The following WWTR1 variants were observed in gnomAD, a reference collection of about 807,000 sequenced individuals.
The protein encoded by WWTR1 is WW domain-containing transcription regulator protein 1.
A neutral mutation model predicts 40.1 loss-of-function variants in WWTR1; 13 were observed. That is an observed-to-expected ratio of 0.32 (90% CI 0.21 to 0.52). WWTR1 has a LOEUF of 0.52. Among genes scored for constraint, WWTR1 ranks in the 20% least tolerant of loss-of-function variants. WWTR1 has a pLI of 0.97. For missense variants in WWTR1, 436 were observed against 523.1 expected, an observed-to-expected ratio of 0.83 and a Z score of 1.63; for synonymous variants, 230 against 210.1, an observed-to-expected ratio of 1.09 and a Z score of -0.82.
At chr3:149,553,741 T>C (rs1017748971) in intron 3 of WWTR1, among the ~76,000 whole-genome samples, 1 of 152,202 alleles carries the variant, frequency 6.6e-6, no homozygotes, top group East Asian at 1.9e-4. Flanking sequence ...CTTTGAAAAA[T>C]ATTTCAGCAT....
At chr3:149,635,632 GAGGAAGA>G (rs1170169128) in intron 2 of WWTR1, among the ~76,000 whole-genome samples, 3 of 151,344 alleles carry the variant, frequency 2.0e-5, no homozygotes, top group Admixed American at 6.6e-5. Flanking sequence ...AAGGAGAAAG[GAGGAAGA>G]AGGAAGAAGG....
chr3:149,640,205 A>G (rs1712085265), intron 2 of WWTR1, among the ~76,000 whole-genome samples: 3 of 152,236 alleles, frequency 2.0e-5, no homozygotes, highest in South Asian at 4.1e-4. Context: ...ATGCCTCTCT[A>G]CCAGTGTCAA....
At chr3:149,565,853 G>A (rs1576564742) in intron 3 of WWTR1, among the ~76,000 whole-genome samples, 1 of 151,668 alleles carries the variant, frequency 6.6e-6, no homozygotes, top group Non-Finnish European at 1.5e-5. Context: ...GGAGGTTGTG[G>A]GGAGGTGGAG....
upstream of WWTR1, chr3:149,658,673 G>T (rs1713417480): frequency 6.6e-6 from 1 of 152,340 alleles, no homozygotes; most frequent in Non-Finnish European, 1.5e-5. Context: ...TGCCCAGAAA[G>T]TGCCTCTGTC....
At chr3:149,685,176 A>G (rs1362876412) in intron 1 of WWTR1, among the ~76,000 whole-genome samples, 1 of 152,190 alleles carries the variant, frequency 6.6e-6, no homozygotes. Context: ...CTGTTCAACC[A>G]GAACTCTCAG....
chr3:149,645,231 C>T (rs1343979223), intron 2 of WWTR1, among the ~76,000 whole-genome samples: 1 of 152,288 alleles, frequency 6.6e-6, no homozygotes, highest in African/African-American at 2.4e-5. Context: ...AGGTGCCCGC[C>T]ACCACGCCTG....
intron 1 of WWTR1, among the ~76,000 whole-genome samples, chr3:149,676,772 G>C (rs1223353273): frequency 6.6e-6 from 1 of 152,114 alleles, no homozygotes; most frequent in African/African-American, 2.4e-5. Context: ...AGGGAGAGCA[G>C]GGAAAGCAAT....
At chr3:149,561,664 T>C (rs1737082164) in intron 3 of WWTR1, among the ~76,000 whole-genome samples, 1 of 152,196 alleles carries the variant, frequency 6.6e-6, no homozygotes, top group South Asian at 2.1e-4. Context: ...ACAGGACTGG[T>C]TAAACCAAGT....
At position 149,653,102 on chromosome 3, in the gene WWTR1, T is replaced by C. The variant is rs571517494; in HGVS notation, c.431+3774A>G. On this transcript the variant is annotated intron_variant, in intron 2 of 6. Transcript: ENST00000360632. ...GTCTGAATTGTATTTAAGAGGAGGATAAAATCTTTTTTCTTATAAAATCAC... is the reference window on the plus strand; with the variant it reads ...GTCTGAATTGTATTTAAGAGGAGGACAAAATCTTTTTTCTTATAAAATCAC... Among the ~76,000 whole-genome samples, 6 of 152,356 alleles carry C rather than the reference T, an allele frequency of 3.9e-5. No individual in the cohort carries two copies. In the East Asian group the frequency reaches 1.2e-3, roughly 29 times the overall value.
At chr3:149,674,493 A>G (rs2108195950) in intron 1 of WWTR1, among the ~76,000 whole-genome samples, 1 of 152,168 alleles carries the variant, frequency 6.6e-6, no homozygotes, top group East Asian at 1.9e-4. Context: ...AAGCTGGGGA[A>G]GAAGAATCAC....
intron 4 of WWTR1, among the ~76,000 whole-genome samples, chr3:149,718,553 T>G (rs1715668047): frequency 6.6e-6 from 1 of 152,228 alleles, no homozygotes; most frequent in Admixed American, 6.5e-5. Context: ...CATATGGTTG[T>G]GCAAACATCA....
At chr3:149,546,642 C>T (rs980164773) in intron 3 of WWTR1, among the ~76,000 whole-genome samples, 1 of 152,122 alleles carries the variant, frequency 6.6e-6, no homozygotes, top group Non-Finnish European at 1.5e-5. Context: ...AGTTTTCCCA[C>T]ATGAATTTAT....
chr3:149,667,111 A>T (rs559832322), intron 2 of WWTR1, among the ~76,000 whole-genome samples: 32 of 152,364 alleles, frequency 2.1e-4, no homozygotes, highest in South Asian at 8.3e-4. Context: ...TGTGTGTATT[A>T]AAGAATCCTT....
At position 149,546,019 on chromosome 3, in the gene WWTR1, T is replaced by C. The variant is rs557498344; in HGVS notation, c.569-3482A>G. 2.4e-4 allele frequency among the ~76,000 whole-genome samples: 37 copies of C among 152,312 alleles called. No homozygotes were observed. In the South Asian group the frequency reaches 5.4e-3, roughly 22 times the overall value. ...AAGCCACATAGCAACCAGATATTGC[T>C]CAGCAGATTTTATTAATACCTGAAT... On this transcript the variant is annotated intron_variant, in intron 3 of 6. Transcript: ENST00000360632.
At chr3:149,600,339 T>C (rs1382157210) in intron 2 of WWTR1, among the ~76,000 whole-genome samples, 3 of 152,162 alleles carry the variant, frequency 2.0e-5, no homozygotes, top group East Asian at 1.9e-4. Flanking sequence ...GGAATATAAT[T>C]GAGTTAATAT....
chr3:149,723,642 A>G (rs994102666), intron 4 of WWTR1, among the ~76,000 whole-genome samples: 5 of 152,114 alleles, frequency 3.3e-5, no homozygotes, highest in Non-Finnish European at 7.4e-5. Context: ...AATCACATAC[A>G]TGTGGTTCAT....
At chr3:149,559,308 A>AG (rs1019840461) in intron 3 of WWTR1, among the ~76,000 whole-genome samples, 1 of 148,866 alleles carries the variant, frequency 6.7e-6, no homozygotes, top group Non-Finnish European at 1.5e-5. Flanking sequence ...AAAAAAAAAA[A>AG]AAAAAGAAAA....
intron 4 of WWTR1, among the ~76,000 whole-genome samples, chr3:149,530,172 C>A (rs1426373254): frequency 1.3e-5 from 2 of 151,892 alleles, no homozygotes; most frequent in African/African-American, 4.8e-5. Context: ...AAGGTGAAAC[C>A]CTGTCTCTAC....
At chr3:149,664,720 C>T (rs1713734215) in intron 2 of WWTR1, among the ~76,000 whole-genome samples, 2 of 151,936 alleles carry the variant, frequency 1.3e-5, no homozygotes, top group Admixed American at 6.6e-5. Context: ...TCCCGAGTAG[C>T]TGGGATTACA....
Sources: allele counts gnomAD v4.1 joint callset (sites outside exome capture counted in the v4.1 genomes callset), GRCh38; gene constraint gnomAD v4.1.1; transcripts MANE v1.5; gene names NCBI Gene and HGNC (gene_info 2026-07-23, HGNC 2026-07-21).